The following NSUN7 variants were observed in gnomAD, a reference collection of about 807,000 sequenced individuals.
The protein encoded by NSUN7 is protein NSUN7.
NSUN7 carries 39 observed loss-of-function variants against 58.5 expected under a neutral mutation model. The ratio of observed to expected loss-of-function variants is 0.67; its 90% CI spans 0.52 to 0.87. The LOEUF (loss-of-function observed/expected upper bound fraction) is 0.87, where lower values mean the gene tolerates loss of function less well. Ranked by LOEUF, NSUN7 falls within the 40% of genes least tolerant of loss-of-function variation. The pLI, the probability that NSUN7 is intolerant of heterozygous loss-of-function variation, is 0.00. For missense variants in NSUN7, 765 were observed against 844.1 expected (o/e 0.91, Z 1.16); for synonymous variants, 278 against 303.7 (o/e 0.92, Z 0.88).
chr4:40,798,381 G>T (rs1352712156), intron 9 of NSUN7, among the ~76,000 whole-genome samples: 2 of 152,202 alleles, frequency 1.3e-5, no homozygotes, highest in Admixed American at 6.5e-5. Flanking sequence ...ATTTGCCCAG[G>T]TTCATACAGC....
At chr4:40,780,784 CACATACACATATATATAT>C (rs1429878051) in intron 7 of NSUN7, among the ~76,000 whole-genome samples, 1,005 of 78,770 alleles carry the variant, frequency 0.013, 7 homozygotes, top group Non-Finnish European at 0.015. Context: ...CACACACACA[CACATACACATATATATAT>C]ATATATATAT....
intron 1 of NSUN7, 144 bp downstream of exon 1, chr4:40,750,444 C>CGT: frequency 3.7e-6 from 1 of 270,608 alleles, no homozygotes; most frequent in Non-Finnish European, 6.8e-6. Flanking sequence ...CCCCTCCTCG[C>CGT]TTTTTTTTTT....
intron 10 of NSUN7, among the ~76,000 whole-genome samples, chr4:40,804,301 G>C (rs1026014897): frequency 2.6e-5 from 4 of 151,868 alleles, no homozygotes; most frequent in Admixed American, 6.6e-5. Flanking sequence ...TTAGCCAGGC[G>C]TGGTGTCAGG....
chr4:40,758,779 G>A (rs1741297678), intron 2 of NSUN7, among the ~76,000 whole-genome samples: 1 of 152,154 alleles, frequency 6.6e-6, no homozygotes, highest in African/African-American at 2.4e-5. Flanking sequence ...CAGCAACTTG[G>A]GAGACTGAGG....
chr4:40,784,512 A>G (rs1187387378), intron 7 of NSUN7, among the ~76,000 whole-genome samples: 1 of 152,240 alleles, frequency 6.6e-6, no homozygotes, highest in African/African-American at 2.4e-5. Context: ...AGAAAGCCAA[A>G]CAAAAAAGTC....
intron 8 of NSUN7, among the ~76,000 whole-genome samples, chr4:40,792,480 G>T (rs184466945): frequency 1.2e-4 from 19 of 152,292 alleles, no homozygotes; most frequent in Non-Finnish European, 2.5e-4. Context: ...GGCCGGGAGC[G>T]GTGGCTCACG....
At chr4:40,753,586 T>C (rs1422241354) in intron 2 of NSUN7, among the ~76,000 whole-genome samples, 4 of 152,250 alleles carry the variant, frequency 2.6e-5, no homozygotes, top group Non-Finnish European at 5.9e-5. Context: ...TAAATTGTCA[T>C]AAACCTTTAT....
chr4:40,780,573 C>T (rs1742480623), intron 7 of NSUN7, among the ~76,000 whole-genome samples: 1 of 150,280 alleles, frequency 6.7e-6, no homozygotes, highest in Non-Finnish European at 1.5e-5. Flanking sequence ...TGCCACTGCG[C>T]TCTAACCTGA....
intron 8 of NSUN7, among the ~76,000 whole-genome samples, chr4:40,792,993 T>C (rs1743162313): frequency 6.6e-6 from 1 of 152,200 alleles, no homozygotes; most frequent in South Asian, 2.1e-4. Context: ...TCGAAAAATA[T>C]TAGAACCATT....
At chr4:40,774,718 T>C (rs755800056) in intron 5 of NSUN7, 49 bp from the exon 6 acceptor site, 81 of 1,198,188 alleles carry the variant, frequency 6.8e-5, no homozygotes, top group Admixed American at 3.0e-4. Context: ...TTAAGGACGT[T>C]TTTAATGTAT....
At chr4:40,762,664 A>G (rs1444619448) in intron 4 of NSUN7, 2 of 152,250 alleles carry the variant, frequency 1.3e-5, no homozygotes, top group African/African-American at 4.8e-5. Flanking sequence ...GCTGCAGACC[A>G]GTACCTGTCT....
At chr4:40,795,842 T>C (rs576927060) in intron 9 of NSUN7, among the ~76,000 whole-genome samples, 7 of 152,248 alleles carry the variant, frequency 4.6e-5, no homozygotes, top group Non-Finnish European at 7.3e-5. Context: ...GTAACTGTGC[T>C]GAGTCCTTGT....
intron 2 of NSUN7, among the ~76,000 whole-genome samples, chr4:40,757,459 C>A (rs1249178344): frequency 1.3e-5 from 2 of 150,216 alleles, no homozygotes; most frequent in Middle Eastern, 3.3e-3. Flanking sequence ...CAGGATATAA[C>A]CCCATGGTAA....
intron 1 of NSUN7, 110 bp from the exon 2 acceptor site, chr4:40,750,493 G>C (rs1740758373): frequency 2.0e-6 from 1 of 512,144 alleles, no homozygotes; most frequent in Non-Finnish European, 3.4e-6. Context: ...GGGACACTCA[G>C]ATGGGACGGG....
chr4:40,803,943 T>C (rs1419547416), intron 10 of NSUN7, among the ~76,000 whole-genome samples: 1 of 152,150 alleles, frequency 6.6e-6, no homozygotes, highest in Non-Finnish European at 1.5e-5. Context: ...CTACCTGTAG[T>C]CCTAGCTACT....
At position 40,808,508 on chromosome 4, in the gene NSUN7, G is replaced by A; in HGVS notation, c.1726G>A (p.Ala576Thr). The A allele has an allele frequency of 6.4e-7, 1 of 1,554,920 alleles. No homozygotes were observed. Among genetic ancestry groups the A allele is most frequent in the Non-Finnish European group, 8.7e-7 (1 of 1,148,114 alleles). The part of the protein sequence containing the change: ...IAEFLNRETK[A>T]SANLSETVTK... Reference sequence around the variant, plus strand: ...TGAGTTCCTGAATCGAGAAACTAAAGCCAGTGCTAATCTATCAGAGACTGT... The same window carrying A: ...TGAGTTCCTGAATCGAGAAACTAAAACCAGTGCTAATCTATCAGAGACTGT... The change falls in exon 12 of 12, where the codon GCC becomes ACC. Residue 576 changes from alanine to threonine, a missense_variant. Ala to Thr is a moderately conservative substitution (Grantham distance 58). Transcript: ENST00000381782.
chr4:40,768,166 A>AT (rs1453717105), intron 4 of NSUN7, among the ~76,000 whole-genome samples: 1 of 151,534 alleles, frequency 6.6e-6, no homozygotes, highest in African/African-American at 2.4e-5. Flanking sequence ...ACCTTAGCAT[A>AT]TATCTACTTA....
chr4:40,780,306 C>A (rs1366206435), intron 7 of NSUN7, among the ~76,000 whole-genome samples: 2 of 151,936 alleles, frequency 1.3e-5, no homozygotes, highest in African/African-American at 2.4e-5. Context: ...ATCAATCAAT[C>A]AATAAAGGAG....
At chr4:40,768,236 C>CT (rs1460272928) in intron 4 of NSUN7, among the ~76,000 whole-genome samples, 2 of 144,238 alleles carry the variant, frequency 1.4e-5, no homozygotes, top group African/African-American at 2.6e-5. Context: ...GACTCTTGCT[C>CT]TGTCGCCCAT....
Sources: allele counts gnomAD v4.1 joint callset (sites outside exome capture counted in the v4.1 genomes callset), GRCh38; gene constraint gnomAD v4.1.1; transcripts MANE v1.5; gene names NCBI Gene and HGNC (gene_info 2026-07-23, HGNC 2026-07-21).